CLMP: variants seen among roughly 807,000 people sequenced by gnomAD.
CLMP encodes CXADR like cell adhesion molecule.
CLMP carries 27 observed loss-of-function variants against 45.2 expected under a neutral mutation model. That is an observed-to-expected ratio of 0.60 (90% CI 0.44 to 0.82). The LOEUF (loss-of-function observed/expected upper bound fraction) is 0.82. Ranked by LOEUF, CLMP falls within the 40% of genes least tolerant of loss-of-function variation. The pLI, the probability that CLMP is intolerant of heterozygous loss-of-function variation, is 0.00. For missense variants in CLMP, 403 were observed against 448.4 expected (o/e 0.90, Z 0.91); for synonymous variants, 167 against 171.4 (o/e 0.97, Z 0.20).
chr11:123,079,724 C>A (rs560822885), intron 5 of CLMP, among the ~76,000 whole-genome samples: 1 of 152,158 alleles, frequency 6.6e-6, no homozygotes, highest in African/African-American at 2.4e-5. Context: ...GGATTACAGG[C>A]GTGAGCCACT....
At chr11:123,111,380 C>T (rs1397827444) in intron 1 of CLMP, among the ~76,000 whole-genome samples, 3 of 152,132 alleles carry the variant, frequency 2.0e-5, no homozygotes, top group Non-Finnish European at 4.4e-5. Context: ...ATCGGCCCAC[C>T]GCAGCCTCCC....
chr11:123,131,694 CA>C (rs1860991605), intron 1 of CLMP, among the ~76,000 whole-genome samples: 2 of 87,664 alleles, frequency 2.3e-5, no homozygotes, highest in East Asian at 3.9e-4. Flanking sequence ...CGGTTCACTG[CA>C]ACCCCTGTCT....
At chr11:123,128,576 C>G (rs1244074269) in intron 1 of CLMP, among the ~76,000 whole-genome samples, 1 of 152,132 alleles carries the variant, frequency 6.6e-6, no homozygotes, top group East Asian at 1.9e-4. Flanking sequence ...GAGATTTTTG[C>G]TTGAGCCCAG....
intron 1 of CLMP, among the ~76,000 whole-genome samples, chr11:123,111,794 T>C (rs1375107354): frequency 1.3e-5 from 2 of 152,220 alleles, no homozygotes; most frequent in Admixed American, 1.3e-4. Flanking sequence ...AAAATACGGT[T>C]AGGCATTTGA....
At chr11:123,080,814 T>C (rs1865795813) in intron 5 of CLMP, among the ~76,000 whole-genome samples, 1 of 152,022 alleles carries the variant, frequency 6.6e-6, no homozygotes, top group South Asian at 2.1e-4. Flanking sequence ...AAAAGTAAAA[T>C]ACTGATTCCG....
chr11:123,106,392 T>C (rs1860551183), intron 1 of CLMP, among the ~76,000 whole-genome samples: 1 of 104,364 alleles, frequency 9.6e-6, no homozygotes, highest in South Asian at 2.8e-4. Flanking sequence ...GGTGTGTGTG[T>C]GTGTGTGTGT....
intron 1 of CLMP, among the ~76,000 whole-genome samples, chr11:123,133,533 A>T (rs1468559872): frequency 6.6e-6 from 1 of 152,078 alleles, no homozygotes; most frequent in Non-Finnish European, 1.5e-5. Flanking sequence ...ACTTTCGCTT[A>T]TTGTCCCTAG....
chr11:123,107,860 A>G lies in CLMP; in HGVS notation c.29-9908T>C, dbSNP rs181943553. On this transcript the variant is annotated intron_variant, in intron 1 of 6. Coordinates refer to ENST00000448775, the MANE Select transcript of CLMP (RefSeq NM_024769.5). ...TTGTGGATGGCATGACACTAAGTCT[A>G]AATGTTGCAGTGCACATCTCCTAAA... Among the ~76,000 whole-genome samples, 11 of 152,180 alleles carry G rather than the reference A, an allele frequency of 7.2e-5. No individual in the cohort carries two copies. The East Asian group carries it at 2.1e-3, about 29-fold the overall frequency.
chr11:123,128,597 C>T (rs1422438140), intron 1 of CLMP, among the ~76,000 whole-genome samples: 2 of 152,078 alleles, frequency 1.3e-5, no homozygotes, highest in Non-Finnish European at 2.9e-5. Context: ...GAGGTAGAGG[C>T]TGCAGTGAGC....
Position 123,111,489 on chromosome 11 carries a change from T to C in CLMP, c.29-13537A>G, listed in dbSNP as rs1216391741. On this transcript the variant is annotated intron_variant, in intron 1 of 6. Coordinates refer to ENST00000448775, the MANE Select transcript of CLMP (RefSeq NM_024769.5). ...AGATTGTTGAAGGGACTTTTCAAGATTGTTGAAGCGCTTTTTCAAAGAACT... is the reference window on the plus strand; with the variant it reads ...AGATTGTTGAAGGGACTTTTCAAGACTGTTGAAGCGCTTTTTCAAAGAACT... Among the ~76,000 whole-genome samples, 9 of 152,174 alleles carry C rather than the reference T, an allele frequency of 5.9e-5. 1 individual carries two copies. The South Asian group carries it at 1.7e-3, about 28-fold the overall frequency.
chr11:123,156,211 C>G (rs966636148), intron 1 of CLMP, among the ~76,000 whole-genome samples: 2 of 152,206 alleles, frequency 1.3e-5, no homozygotes, highest in African/African-American at 4.8e-5. Flanking sequence ...AAGAAGGCAA[C>G]CATCCACAAG....
rs1463638141 is a variant in CLMP, at chr11:123,077,579, C to T, written c.680-2736G>A. On this transcript the variant is annotated intron_variant, in intron 5 of 6. Coordinates refer to ENST00000448775, the MANE Select transcript of CLMP (RefSeq NM_024769.5). ...TCCTGACCTCAAGTGATCCGCCCACCTCCATCAAAGTGTTGGGGTTACAGG... is the reference window on the plus strand; with the variant it reads ...TCCTGACCTCAAGTGATCCGCCCACTTCCATCAAAGTGTTGGGGTTACAGG... 5.3e-5 allele frequency among the ~76,000 whole-genome samples: 8 copies of T among 152,274 alleles called. No individual in the cohort carries two copies. In the East Asian group the frequency reaches 1.2e-3, roughly 22 times the overall value.
At chr11:123,087,551 A>G (rs11218967) in intron 2 of CLMP, among the ~76,000 whole-genome samples, 52,009 of 151,416 alleles carry the variant, frequency 0.34, 10,223 homozygotes, top group East Asian at 0.58. Context: ...GGCTCGGTGC[A>G]GTGGCTCATG....
Position 123,178,329 on chromosome 11 carries a change from C to G in CLMP, c.28+16584G>C, listed in dbSNP as rs572132934. 1.1e-4 allele frequency among the ~76,000 whole-genome samples: 17 copies of G among 152,316 alleles called. No homozygotes were observed. The South Asian group carries it at 2.9e-3, about 26-fold the overall frequency. On this transcript the variant is annotated intron_variant, in intron 1 of 6. Coordinates refer to ENST00000448775, the MANE Select transcript of CLMP (RefSeq NM_024769.5). ...TAGGAGAGGTCAAGTGTGCCATCAC[C>G]AGAAAGATGGTTTAAATGGGAGAAT... is the stretch of plus-strand genomic sequence containing the variant.
intron 1 of CLMP, among the ~76,000 whole-genome samples, chr11:123,104,260 T>C (rs1160958007): frequency 1.3e-5 from 2 of 151,238 alleles, no homozygotes; most frequent in Non-Finnish European, 2.9e-5. Context: ...CTATTTTTTT[T>C]AGTAGAGATG....
At chr11:123,194,235 C>T (rs1861947595) in intron 1 of CLMP, among the ~76,000 whole-genome samples, 1 of 152,054 alleles carries the variant, frequency 6.6e-6, no homozygotes, top group African/African-American at 2.4e-5. Flanking sequence ...GTGGTGCTTG[C>T]TCTATTTCCC....
At chr11:123,150,542 A>AG (rs1233827159) in intron 1 of CLMP, among the ~76,000 whole-genome samples, 8 of 140,802 alleles carry the variant, frequency 5.7e-5, no homozygotes, top group African/African-American at 1.9e-4. Flanking sequence ...GAAACAAGCA[A>AG]GGAAGGAAGG....
chr11:123,180,057 T>C (rs947202941), intron 1 of CLMP, among the ~76,000 whole-genome samples: 3 of 152,198 alleles, frequency 2.0e-5, no homozygotes, highest in African/African-American at 7.2e-5. Flanking sequence ...TGAATAACAT[T>C]AACTTATGGA....
intron 5 of CLMP, among the ~76,000 whole-genome samples, chr11:123,077,424 CG>C (rs1194384957): frequency 6.6e-6 from 1 of 152,180 alleles, no homozygotes; most frequent in Non-Finnish European, 1.5e-5. Flanking sequence ...CTCTGCCTCC[CG>C]GGTTCAAGTG....
Sources: allele counts gnomAD v4.1 joint callset (sites outside exome capture counted in the v4.1 genomes callset), GRCh38; gene constraint gnomAD v4.1.1; transcripts MANE v1.5; gene names NCBI Gene and HGNC (gene_info 2026-07-23, HGNC 2026-07-21).